MAPK8: variants seen among roughly 807,000 people sequenced by gnomAD.
MAPK8 encodes mitogen-activated protein kinase 8.
MAPK8 carries 13 observed loss-of-function variants against 52.9 expected under a neutral mutation model. That is an observed-to-expected ratio of 0.25 (90% CI 0.16 to 0.39). The LOEUF (loss-of-function observed/expected upper bound fraction) is 0.39. Ranked by LOEUF, MAPK8 falls within the 10% of genes least tolerant of loss-of-function variation. MAPK8 has a pLI of 1.00. For missense variants in MAPK8, 300 were observed against 519.2 expected, an observed-to-expected ratio of 0.58 and a Z score of 4.10; for synonymous variants, 191 against 169.8, an observed-to-expected ratio of 1.12 and a Z score of -0.97.
At chr10:48,427,632 C>T (rs1215025325) in intron 10 of MAPK8, among the ~76,000 whole-genome samples, 2 of 152,150 alleles carry the variant, frequency 1.3e-5, no homozygotes, top group Non-Finnish European at 2.9e-5. Context: ...GCTGGGACTA[C>T]AGGCGCCTGC....
intron 1 of MAPK8, among the ~76,000 whole-genome samples, chr10:48,321,365 C>G (rs537357315): frequency 4.5e-4 from 69 of 152,264 alleles, no homozygotes; most frequent in African/African-American, 1.7e-3. Flanking sequence ...GGATTACAAA[C>G]ATGAGCTTCC....
intron 1 of MAPK8, among the ~76,000 whole-genome samples, chr10:48,345,369 A>G (rs969143626): frequency 6.6e-6 from 1 of 152,138 alleles, no homozygotes; most frequent in African/African-American, 2.4e-5. Context: ...GTTCTTTGAC[A>G]TTTTCTGGTA....
intron 2 of MAPK8, 28 bp downstream of exon 2, chr10:48,401,810 A>G (rs774992035): frequency 5.0e-6 from 7 of 1,392,820 alleles, no homozygotes; most frequent in Non-Finnish European, 5.6e-6. Flanking sequence ...AAAATTAGGC[A>G]AAGAATCATT....
chr10:48,359,199 T>C (rs572471593), intron 1 of MAPK8, among the ~76,000 whole-genome samples: 3 of 152,340 alleles, frequency 2.0e-5, no homozygotes, highest in Admixed American at 1.3e-4. Flanking sequence ...ATTCAAATTA[T>C]TATTTATTAG....
rs541954763 is a variant in MAPK8, at chr10:48,406,249, CTT to C, written c.252+1269_252+1270del. Among the ~76,000 whole-genome samples, 379 of 152,318 alleles carry C rather than the reference CTT, an allele frequency of 2.5e-3. 1 individual carries two copies. Among genetic ancestry groups the C allele is most frequent in the Non-Finnish European group, 3.8e-3 (256 of 68,032 alleles). On this transcript the variant is annotated intron_variant, in intron 3 of 11. Coordinates refer to ENST00000374189, the MANE Select transcript of MAPK8 (RefSeq NM_001323329.2). ...TAGGGAGGAAGTTGTGGTAGCCATT[CTT>C]GTTCCAAGCGGGAACTTGATGTGTT...
intron 7 of MAPK8, chr10:48,425,640 T>A: frequency 2.7e-6 from 1 of 364,046 alleles, no homozygotes; most frequent in Non-Finnish European, 4.9e-6. Context: ...TTTGTGAGTT[T>A]AAGCTTCCAT....
chr10:48,434,069 C>G (rs1309252369), intron 11 of MAPK8, among the ~76,000 whole-genome samples: 1 of 152,206 alleles, frequency 6.6e-6, no homozygotes, highest in African/African-American at 2.4e-5. Flanking sequence ...CTTCCTAAAC[C>G]AATCCCCTTG....
intron 1 of MAPK8, among the ~76,000 whole-genome samples, chr10:48,356,899 C>CAAAAAAAAA (rs201368039): frequency 2.1e-5 from 1 of 47,242 alleles, no homozygotes; most frequent in African/African-American, 7.4e-5. Flanking sequence ...CGTAGTTTAC[C>CAAAAAAAAA]AAAAAAAAAA....
intron 1 of MAPK8, among the ~76,000 whole-genome samples, chr10:48,363,115 A>G (rs1275019492): frequency 6.6e-6 from 1 of 151,982 alleles, no homozygotes; most frequent in Admixed American, 6.6e-5. Flanking sequence ...TGGCCTGAAC[A>G]TAATGCACTG....
At chr10:48,393,768 C>T (rs2041748239) in intron 1 of MAPK8, among the ~76,000 whole-genome samples, 1 of 151,682 alleles carries the variant, frequency 6.6e-6, no homozygotes, top group East Asian at 1.9e-4. Flanking sequence ...TTTAAGATTG[C>T]ATTTTAAGAA....
chr10:48,434,598 C>T (rs937751762), intron 11 of MAPK8, among the ~76,000 whole-genome samples: 17 of 152,128 alleles, frequency 1.1e-4, no homozygotes, highest in East Asian at 1.9e-4. Context: ...TGCTGCAGGA[C>T]CATTTCTAAA....
At chr10:48,345,060 AATAAT>A (rs1845640727) in intron 1 of MAPK8, among the ~76,000 whole-genome samples, 1 of 152,242 alleles carries the variant, frequency 6.6e-6, no homozygotes, top group African/African-American at 2.4e-5. Flanking sequence ...CAAGAATTGT[AATAAT>A]ATAAGATGCG....
intron 5 of MAPK8, among the ~76,000 whole-genome samples, chr10:48,415,838 A>G (rs549049556): frequency 6.6e-6 from 1 of 152,342 alleles, no homozygotes; most frequent in South Asian, 2.1e-4. Flanking sequence ...GCACAGTTGT[A>G]TTGGGATATT....
chr10:48,398,139 T>C (rs961251111), intron 1 of MAPK8, among the ~76,000 whole-genome samples: 15 of 151,970 alleles, frequency 9.9e-5, no homozygotes, highest in African/African-American at 3.6e-4. Flanking sequence ...TCTATGTGAG[T>C]CTGAAATTAT....
At chr10:48,403,770 A>G (rs1205331150) in intron 2 of MAPK8, among the ~76,000 whole-genome samples, 2 of 150,826 alleles carry the variant, frequency 1.3e-5, no homozygotes, top group Non-Finnish European at 3.0e-5. Flanking sequence ...TTTTTTTGAG[A>G]CAGAGTCTCA....
chr10:48,347,092 A>C lies in MAPK8; in HGVS notation c.-50+40271A>C, dbSNP rs1004978890. 6.0e-5 allele frequency among the ~76,000 whole-genome samples: 9 copies of C among 149,694 alleles called. 1 individual carries two copies. Among genetic ancestry groups the C allele is most frequent in the Admixed American group, 4.0e-4 (6 of 15,016 alleles). ...CTTTGTCTTGTGTCTTTATTTCTAC[A>C]CTCTCTCGTTGCCGCACACAGGGAG... is the stretch of plus-strand genomic sequence containing the variant. On this transcript the variant is annotated intron_variant, in intron 1 of 11. Transcript: ENST00000374189.
At chr10:48,398,168 T>G (rs1245327014) in intron 1 of MAPK8, among the ~76,000 whole-genome samples, 1 of 152,064 alleles carries the variant, frequency 6.6e-6, no homozygotes, top group Non-Finnish European at 1.5e-5. Context: ...AAAAAGACAT[T>G]GTTAAGAAAA....
At chr10:48,349,324 C>T (rs1258071549) in intron 1 of MAPK8, among the ~76,000 whole-genome samples, 1 of 152,168 alleles carries the variant, frequency 6.6e-6, no homozygotes, top group Non-Finnish European at 1.5e-5. Flanking sequence ...AATATACACT[C>T]TTCTCAGCAC....
intron 1 of MAPK8, among the ~76,000 whole-genome samples, chr10:48,383,572 G>A (rs981055565): frequency 1.6e-4 from 25 of 151,918 alleles, no homozygotes; most frequent in African/African-American, 5.8e-4. Flanking sequence ...AATGCTGCTT[G>A]GCTAATTCCC....
Sources: gnomAD v4.1 joint callset for allele counts (sites outside exome capture counted in the v4.1 genomes callset) on GRCh38, gnomAD v4.1.1 for gene constraint, MANE v1.5 for transcripts, NCBI Gene and HGNC (gene_info 2026-07-23, HGNC 2026-07-21) for gene names.